Variants in CNTN6 observed in about 807,000 individuals in gnomAD.
CNTN6 encodes contactin 6.
A neutral mutation model predicts 122.8 loss-of-function variants in CNTN6; 137 were observed. That is an observed-to-expected ratio of 1.12 (90% confidence interval 0.97 to 1.29). The LOEUF (loss-of-function observed/expected upper bound fraction) is 1.29, where lower values mean the gene tolerates loss of function less well. Ranked by LOEUF, CNTN6 falls within the 50% of genes most tolerant of loss-of-function variation. The probability of loss-of-function intolerance (pLI) is 0.00; values close to 1 mark genes in which losing one functional copy is unlikely to be tolerated. For missense variants in CNTN6, 1,634 were observed against 1,223.4 expected, an observed-to-expected ratio of 1.34 and a Z score of -5.01; for synonymous variants, 570 against 426.0, an observed-to-expected ratio of 1.34 and a Z score of -4.16.
chr3:1,245,307 T>TA (rs372559966), intron 4 of CNTN6, among the ~76,000 whole-genome samples: 110 of 9,810 alleles, frequency 0.011, 14 homozygotes, highest in African/African-American at 0.041. Context: ...TATATATATA[T>TA]ATATATATAT....
intron 8 of CNTN6, among the ~76,000 whole-genome samples, chr3:1,325,251 A>C (rs1177416606): frequency 6.6e-6 from 1 of 151,856 alleles, no homozygotes. Flanking sequence ...AACCTGTATA[A>C]AACTCCAAAT....
At chr3:1,355,318 G>A (rs1321244090) in intron 12 of CNTN6, among the ~76,000 whole-genome samples, 3 of 151,638 alleles carry the variant, frequency 2.0e-5, no homozygotes, top group African/African-American at 7.2e-5. Context: ...TTATTTATCT[G>A]TAATGTTTAA....
At chr3:1,314,862 C>A (rs1221205863) in intron 7 of CNTN6, among the ~76,000 whole-genome samples, 1 of 151,938 alleles carries the variant, frequency 6.6e-6, no homozygotes, top group African/African-American at 2.4e-5. Context: ...AAAATAGGAA[C>A]AAAATAAGAA....
At chr3:1,265,115 C>G (rs566723359) in intron 4 of CNTN6, among the ~76,000 whole-genome samples, 1 of 103,786 alleles carries the variant, frequency 9.6e-6, no homozygotes, top group Non-Finnish European at 1.9e-5. Context: ...TTTTTGTTAT[C>G]TATTCACCTG....
intron 2 of CNTN6, among the ~76,000 whole-genome samples, chr3:1,210,508 G>T (rs142961840): frequency 5.1e-4 from 78 of 152,204 alleles, no homozygotes; most frequent in African/African-American, 1.8e-3. Context: ...AGCTCTACAG[G>T]TTAAAGAGTA....
At chr3:1,222,061 T>A (rs1450383194) in intron 3 of CNTN6, among the ~76,000 whole-genome samples, 1 of 152,202 alleles carries the variant, frequency 6.6e-6, no homozygotes, top group Admixed American at 6.5e-5. Context: ...TTCTACCTTA[T>A]CTTGAATTTT....
Position 1,171,269 on chromosome 3 carries a change from C to A in CNTN6, c.55+23206C>A, listed in dbSNP as rs2093353337. On this transcript the variant is annotated intron_variant, in intron 2 of 22. Coordinates refer to ENST00000446702, the MANE Select transcript of CNTN6 (RefSeq NM_001289080.2). ...TGGGTTATTTTGACCATAGATCAAACTCCAAAAATTTAAGCAAAGAAATAA... is the reference window on the plus strand; with the variant it reads ...TGGGTTATTTTGACCATAGATCAAAATCCAAAAATTTAAGCAAAGAAATAA... 2.0e-5 allele frequency among the ~76,000 whole-genome samples: 3 copies of A among 152,254 alleles called. No individual in the cohort carries two copies. The South Asian group carries it at 6.2e-4, about 32-fold the overall frequency.
chr3:1,390,090 A>AAATC (rs1273648683), intron 20 of CNTN6, among the ~76,000 whole-genome samples: 1 of 151,768 alleles, frequency 6.6e-6, no homozygotes, highest in Non-Finnish European at 1.5e-5. Flanking sequence ...TCTCCACCAC[A>AAATC]AATCAACAGA....
Position 1,278,483 on chromosome 3 carries a change from C to A in CNTN6, c.429C>A (p.Leu143=). Residue 143 remains leucine (L), a synonymous_variant, in exon 5 of 23, where the codon CTC becomes CTA. Coordinates refer to ENST00000446702, the MANE Select transcript of CNTN6 (RefSeq NM_001289080.2). ...GAGAAGGTCAAGGTGTGGTGCTTCT[C>A]TGTGGCCCACCGCCACATTTTGGAG... ...SVREGQGVVL[L]CGPPPHFGDL... The A allele has an allele frequency of 6.2e-7, 1 of 1,612,276 alleles. No individual in the cohort carries two copies. Among genetic ancestry groups the A allele is most frequent in the Non-Finnish European group, 8.5e-7 (1 of 1,178,728 alleles).
At chr3:1,215,347 C>T (rs931548157) in intron 2 of CNTN6, among the ~76,000 whole-genome samples, 1 of 152,088 alleles carries the variant, frequency 6.6e-6, no homozygotes, top group Non-Finnish European at 1.5e-5. Flanking sequence ...ATTATCTGTG[C>T]TTTTTTCACA....
intron 4 of CNTN6, among the ~76,000 whole-genome samples, chr3:1,262,353 A>G (rs1179321729): frequency 6.6e-6 from 1 of 152,166 alleles, no homozygotes; most frequent in Non-Finnish European, 1.5e-5. Context: ...TGGAGCAGAT[A>G]TTCATGCAAA....
At chr3:1,345,181 A>G (rs1449655653) in intron 11 of CNTN6, among the ~76,000 whole-genome samples, 1 of 150,910 alleles carries the variant, frequency 6.6e-6, no homozygotes, top group South Asian at 2.1e-4. Context: ...CGGTGGCACG[A>G]TCTTGGCCTA....
chr3:1,325,031 C>G (rs2125984469), intron 8 of CNTN6, among the ~76,000 whole-genome samples: 1 of 151,904 alleles, frequency 6.6e-6, no homozygotes, highest in Admixed American at 6.6e-5. Flanking sequence ...ATTGGCACCT[C>G]CAGGCAGTTT....
intron 4 of CNTN6, among the ~76,000 whole-genome samples, chr3:1,230,013 G>A (rs1451283114): frequency 4.6e-5 from 7 of 152,140 alleles, no homozygotes; most frequent in African/African-American, 1.7e-4. Context: ...GGGGAGACAT[G>A]TGCGAGAGTG....
At chr3:1,311,021 A>G (rs1699149432) in intron 7 of CNTN6, among the ~76,000 whole-genome samples, 1 of 151,980 alleles carries the variant, frequency 6.6e-6, no homozygotes, top group African/African-American at 2.4e-5. Flanking sequence ...GTGAATTTGA[A>G]ATGAGAGCTG....
At chr3:1,180,003 T>C (rs1249646749) in intron 2 of CNTN6, among the ~76,000 whole-genome samples, 1 of 152,212 alleles carries the variant, frequency 6.6e-6, no homozygotes, top group Non-Finnish European at 1.5e-5. Flanking sequence ...TAGTTGGTAT[T>C]CCTGCAATCA....
At chr3:1,205,252 GCTCA>G (rs2093942784) in intron 2 of CNTN6, among the ~76,000 whole-genome samples, 1 of 152,100 alleles carries the variant, frequency 6.6e-6, no homozygotes, top group African/African-American at 2.4e-5. Context: ...CTTGATTTGA[GCTCA>G]CTGAGACCCA....
intron 4 of CNTN6, among the ~76,000 whole-genome samples, chr3:1,252,928 G>A (rs777871576): frequency 6.6e-6 from 1 of 152,254 alleles, no homozygotes; most frequent in Non-Finnish European, 1.5e-5. Context: ...TTTCCTTAAC[G>A]AAGACTCCCT....
At chr3:1,331,170 G>A (rs1396164571) in intron 11 of CNTN6, among the ~76,000 whole-genome samples, 1 of 151,944 alleles carries the variant, frequency 6.6e-6, no homozygotes, top group African/African-American at 2.4e-5. Context: ...TTTACACAAT[G>A]AAGTGTACAT....
Sources: gnomAD v4.1 joint callset for allele counts (sites outside exome capture counted in the v4.1 genomes callset) on GRCh38, gnomAD v4.1.1 for gene constraint, MANE v1.5 for transcripts, NCBI Gene and HGNC (gene_info 2026-07-23, HGNC 2026-07-21) for gene names.